The following ADAMTS16 variants were observed in gnomAD, a reference collection of about 807,000 sequenced individuals.
ADAMTS16 encodes the protein ADAM metallopeptidase with thrombospondin type 1 motif 16.
Under a neutral mutation model 145.8 loss-of-function variants are expected in ADAMTS16, and 94 were observed. That is an observed-to-expected ratio of 0.64 (90% CI 0.55 to 0.77). The LOEUF (loss-of-function observed/expected upper bound fraction) is 0.77. ADAMTS16 is among the 30% of genes least tolerant of loss of function. ADAMTS16 has a pLI of 0.00. For synonymous variants in ADAMTS16, 659 were observed against 604.3 expected, an observed-to-expected ratio of 1.09 and a Z score of -1.33; for missense variants, 1,585 against 1,591.5, an observed-to-expected ratio of 1.00 and a Z score of 0.07.
intron 10 of ADAMTS16, among the ~76,000 whole-genome samples, chr5:5,218,746 G>A (rs1736507060): frequency 1.3e-5 from 2 of 152,200 alleles, no homozygotes; most frequent in Non-Finnish European, 1.5e-5. Context: ...GAGCAGGATG[G>A]AGTGGGAAGG....
intron 17 of ADAMTS16, among the ~76,000 whole-genome samples, chr5:5,260,359 A>G (rs1737969766): frequency 6.6e-6 from 1 of 152,168 alleles, no homozygotes; most frequent in African/African-American, 2.4e-5. Flanking sequence ...GAGGCTCAAT[A>G]TGTTAAAATA....
intron 18 of ADAMTS16, among the ~76,000 whole-genome samples, chr5:5,292,520 A>AATG (rs1579388407): frequency 1.3e-5 from 2 of 150,724 alleles, no homozygotes; most frequent in African/African-American, 4.9e-5. Flanking sequence ...TAATAATAAT[A>AATG]ATAATAATTT....
At chr5:5,184,166 G>C (rs1184690719) in intron 4 of ADAMTS16, among the ~76,000 whole-genome samples, 1 of 152,050 alleles carries the variant, frequency 6.6e-6, no homozygotes, top group Non-Finnish European at 1.5e-5. Context: ...TGTGTCACCT[G>C]CTCATGGACG....
chr5:5,301,019 A>G (rs968711627), intron 18 of ADAMTS16, among the ~76,000 whole-genome samples: 2 of 152,204 alleles, frequency 1.3e-5, no homozygotes, highest in Non-Finnish European at 2.9e-5. Flanking sequence ...GCTTTGAAGT[A>G]TAAGAAAAAC....
rs1299215744 is a variant in ADAMTS16 at position 5,319,440 on chromosome 5, C to T, written c.*302C>T. On this transcript the variant is annotated 3_prime_UTR_variant, in exon 23 of 23. Coordinates refer to ENST00000274181, the MANE Select transcript of ADAMTS16 (RefSeq NM_139056.4). ...CGGGAGAGGCAGCACTCACCCCTGC[C>T]TGTTGCAGCTAAATCAAGTCAAAAA... is the stretch of plus-strand genomic sequence containing the variant. 2.5e-6 allele frequency: 1 copy of T among 399,366 alleles called. No individual in the cohort carries two copies. The highest frequency in any genetic ancestry group is 4.6e-6 in the Non-Finnish European group (1 of 218,028). The allele number at this position is 399,366 out of a possible 1,614,324, so 24.7% of individuals were successfully genotyped here. A position where few individuals can be genotyped will look rare whatever the true frequency, so the allele number is the denominator to read the frequency against.
intron 4 of ADAMTS16, among the ~76,000 whole-genome samples, chr5:5,184,978 G>A (rs1462126840): frequency 6.6e-6 from 1 of 152,160 alleles, no homozygotes; most frequent in Admixed American, 6.5e-5. Flanking sequence ...GTGTGAGCCA[G>A]TAATGTTCCT....
chr5:5,300,671 G>T (rs527557187), intron 18 of ADAMTS16, among the ~76,000 whole-genome samples: 3 of 152,146 alleles, frequency 2.0e-5, no homozygotes, highest in Non-Finnish European at 2.9e-5. Context: ...GGTTTGGGGC[G>T]GGATCAATTC....
chr5:5,233,134 A>T (rs1388324062), intron 12 of ADAMTS16, among the ~76,000 whole-genome samples: 1 of 152,204 alleles, frequency 6.6e-6, no homozygotes, highest in Admixed American at 6.5e-5. Context: ...TAAATAAATC[A>T]TAAGAAAAGT....
rs1281923976 is a variant in ADAMTS16, at chr5:5,319,949, C to T, written c.*811C>T. 6.6e-6 allele frequency: 3 copies of T among 454,464 alleles called. No homozygotes were observed. Among genetic ancestry groups the T allele is most frequent in the Non-Finnish European group, 1.3e-5 (3 of 226,758 alleles). 28.2% of individuals were successfully genotyped at this position (454,464 alleles called of 1,614,324 possible). A position where few individuals can be genotyped will look rare whatever the true frequency, so the allele number is the denominator to read the frequency against. On this transcript the variant is annotated 3_prime_UTR_variant, in exon 23 of 23. Coordinates refer to ENST00000274181, the MANE Select transcript of ADAMTS16 (RefSeq NM_139056.4). The stretch of plus-strand genomic sequence containing the variant: ...ATGCTTTTCTTTGTAAATGACAGAT[C>T]GAAGTATAGGTTACATCAAAACCCT...
intron 3 of ADAMTS16, among the ~76,000 whole-genome samples, chr5:5,163,196 T>G (rs1005181468): frequency 2.6e-5 from 4 of 152,224 alleles, no homozygotes; most frequent in African/African-American, 9.6e-5. Context: ...ACCATCCTTG[T>G]CAATGAGTGA....
At position 5,140,762 on chromosome 5, in the gene ADAMTS16, G is replaced by A; in HGVS notation, c.171G>A (p.Lys57=). The change falls in exon 2 of 23, where the codon AAG becomes AAA. Residue 57 remains lysine (K), a synonymous_variant. Transcript: ENST00000274181. The stretch of plus-strand genomic sequence containing the variant: ...CGGAGCGGCCGGGCTGGATGGAAAA[G>A]GGCGGTAAGTCCGTGAGGTGGGGGC... ...PPAERPGWME[K]GEYDLVSAYE... 1.3e-6 allele frequency: 2 copies of A among 1,560,634 alleles called. No individual in the cohort carries two copies. Among genetic ancestry groups the A allele is most frequent in the South Asian group, 1.2e-5 (1 of 85,040 alleles).
At chr5:5,280,829 T>C (rs1188805214) in intron 18 of ADAMTS16, among the ~76,000 whole-genome samples, 1 of 152,152 alleles carries the variant, frequency 6.6e-6, no homozygotes, top group Admixed American at 6.6e-5. Flanking sequence ...TAAAGTAAAT[T>C]ACCTCTAGGG....
intron 18 of ADAMTS16, among the ~76,000 whole-genome samples, chr5:5,279,944 T>G (rs1738839092): frequency 6.8e-6 from 1 of 147,810 alleles, no homozygotes; most frequent in African/African-American, 2.5e-5. Flanking sequence ...CTTTCTTTCT[T>G]TTTCCTTCCT....
chr5:5,200,088 TTTTTGTTCTGAAAGAACCATCTCTC>T lies in ADAMTS16; in HGVS notation c.1314-42_1314-18del. On this transcript the variant is annotated intron_variant, in intron 8 of 22. Coordinates refer to ENST00000274181, the MANE Select transcript of ADAMTS16 (RefSeq NM_139056.4). ...AGAGGGTATCAGATAATTTAAACTG[TTTTTGTTCTGAAAGAACCATCTCTC>T]TCTCTCTCTCTCTCATAGCTTTGGC... The T allele has an allele frequency of 6.5e-7, 1 of 1,538,796 alleles. No individual in the cohort carries two copies.
chr5:5,315,311 T>C (rs191492835), intron 21 of ADAMTS16, among the ~76,000 whole-genome samples: 2 of 152,306 alleles, frequency 1.3e-5, no homozygotes, highest in East Asian at 1.9e-4. Flanking sequence ...TTAGGGATTA[T>C]GGGAACTACA....
At chr5:5,266,300 T>C (rs1282787348) in intron 18 of ADAMTS16, among the ~76,000 whole-genome samples, 2 of 152,108 alleles carry the variant, frequency 1.3e-5, no homozygotes, top group Admixed American at 6.5e-5. Flanking sequence ...AGGTATCACA[T>C]AATTCAGATA....
chr5:5,289,867 G>A (rs937805410), intron 18 of ADAMTS16, among the ~76,000 whole-genome samples: 1 of 152,186 alleles, frequency 6.6e-6, no homozygotes, highest in African/African-American at 2.4e-5. Context: ...TTTTGGGCTA[G>A]ATGAAAGCAT....
intron 18 of ADAMTS16, among the ~76,000 whole-genome samples, chr5:5,286,628 G>A (rs1210717736): frequency 6.6e-6 from 1 of 152,098 alleles, no homozygotes; most frequent in African/African-American, 2.4e-5. Context: ...GGAGGCTGAG[G>A]TGGGCAGATC....
chr5:5,291,644 G>A (rs1284766347), intron 18 of ADAMTS16, among the ~76,000 whole-genome samples: 2 of 149,552 alleles, frequency 1.3e-5, no homozygotes, highest in Non-Finnish European at 3.0e-5. Flanking sequence ...CAGAGCCACG[G>A]CTTCCCCACC....
Sources: gnomAD v4.1 joint callset for allele counts (sites outside exome capture counted in the v4.1 genomes callset) on GRCh38, gnomAD v4.1.1 for gene constraint, MANE v1.5 for transcripts, NCBI Gene and HGNC (gene_info 2026-07-23, HGNC 2026-07-21) for gene names.